TPO: variants seen among roughly 807,000 people sequenced by gnomAD.
TPO encodes the protein thyroid peroxidase, also known as thyroid microsomal antigen.
In TPO, 78 loss-of-function variants were observed where a neutral mutation model predicts 96.9. The observed-to-expected ratio is 0.81, with a 90% CI of 0.67 to 0.97. TPO has a LOEUF of 0.97. Ranked by LOEUF, TPO falls within the 50% of genes least tolerant of loss-of-function variation. The pLI is 0.00. For missense variants in TPO, 1,252 were observed against 1,274.8 expected (o/e 0.98, Z 0.27); for synonymous variants, 547 against 538.0 (o/e 1.02, Z -0.23).
chr2:1,454,410 G>A (rs770560890), intron 6 of TPO, among the ~76,000 whole-genome samples: 5 of 152,180 alleles, frequency 3.3e-5, no homozygotes, highest in Admixed American at 6.5e-5. Context: ...CAGGTGGTGG[G>A]ACTCAGGTCT....
intron 1 of TPO, among the ~76,000 whole-genome samples, chr2:1,392,332 C>T (rs745846935): frequency 6.6e-6 from 1 of 152,092 alleles, no homozygotes; most frequent in Non-Finnish European, 1.5e-5. Flanking sequence ...GTTGAACGAG[C>T]CTTGCATCCC....
intron 15 of TPO, among the ~76,000 whole-genome samples, chr2:1,535,407 A>G (rs1679387072): frequency 1.9e-5 from 1 of 52,458 alleles, no homozygotes; most frequent in Non-Finnish European, 3.6e-5. Context: ...CAACCTCCCC[A>G]AATCCCCCTA....
intron 5 of TPO, among the ~76,000 whole-genome samples, chr2:1,437,245 GC>G (rs1665668841): frequency 6.6e-6 from 1 of 152,238 alleles, no homozygotes; most frequent in South Asian, 2.1e-4. Flanking sequence ...AGGGAGAGCA[GC>G]CGGGATTGTG....
At position 1,487,971 on chromosome 2, in the gene TPO, G is replaced by A; in HGVS notation, c.1748G>A (p.Gly583Asp). Residue 583 changes from glycine to aspartate, a missense_variant, in exon 10 of 17, where the codon GGC (glycine) becomes GAC (aspartate). By Grantham distance (94) the Gly-to-Asp change is moderately conservative. Coordinates refer to ENST00000329066, the MANE Select transcript of TPO (RefSeq NM_001206744.2). ...LDLASINLQR[G>D]RDHGLPGYNE... ...CTGGCGTCCATCAACCTGCAGAGGG[G>A]CCGGGACCACGGGCTGCCAGGTCTG... is the stretch of plus-strand genomic sequence containing the variant. The A allele has an allele frequency of 6.2e-7, 1 of 1,613,586 alleles. No individual in the cohort carries two copies. Among genetic ancestry groups the A allele is most frequent in the Non-Finnish European group, 8.5e-7 (1 of 1,180,038 alleles).
chr2:1,397,386 C>T (rs149730190), intron 1 of TPO, among the ~76,000 whole-genome samples: 8 of 152,230 alleles, frequency 5.3e-5, no homozygotes, highest in African/African-American at 1.7e-4. Context: ...GGATGCCTTC[C>T]CTGAGTGCCC....
At chr2:1,527,394 C>A (rs1464917023) in intron 15 of TPO, among the ~76,000 whole-genome samples, 2 of 138,126 alleles carry the variant, frequency 1.4e-5, no homozygotes, top group South Asian at 5.0e-4. Context: ...ACCCCAAATC[C>A]CCCCCACTGT....
chr2:1,508,712 C>T (rs1378239711), intron 14 of TPO, among the ~76,000 whole-genome samples: 1 of 152,174 alleles, frequency 6.6e-6, no homozygotes. Flanking sequence ...GTTTGTATTT[C>T]TTTGGGATCA....
At chr2:1,498,219 TAAAGGGAGAGGCTGAGACC>T (rs1558367223) in intron 13 of TPO, among the ~76,000 whole-genome samples, 2 of 152,204 alleles carry the variant, frequency 1.3e-5, no homozygotes, top group Non-Finnish European at 2.9e-5. Flanking sequence ...CCCTCAGTCA[TAAAGGGAGAGGCTGAGACC>T]CTGTGTGCAC....
intron 13 of TPO, among the ~76,000 whole-genome samples, chr2:1,500,168 A>G (rs1187901930): frequency 6.6e-6 from 1 of 152,144 alleles, no homozygotes; most frequent in Non-Finnish European, 1.5e-5. Context: ...CACACACATC[A>G]CTTTGATGAG....
At chr2:1,500,833 A>C (rs1276918388) in intron 13 of TPO, among the ~76,000 whole-genome samples, 2 of 151,986 alleles carry the variant, frequency 1.3e-5, no homozygotes, top group East Asian at 3.9e-4. Flanking sequence ...TTAGCCGGGC[A>C]TGGTGGTAGG....
Position 1,477,192 on chromosome 2 carries a change from C to T in TPO, c.926C>T (p.Ser309Phe). ...CAAGGCGCGCTCTTTGGGAACCTGT[C>T]CACGGCCAACCCGCGGCAGCAGATG... Reference protein sequence around the residue: ...GDQGALFGNLSTANPRQQMNG... With the variant: ...GDQGALFGNLFTANPRQQMNG... The change falls in exon 8 of 17, where the codon TCC becomes TTC. Residue 309 changes from serine to phenylalanine, a missense_variant. Coordinates refer to ENST00000329066, the MANE Select transcript of TPO (RefSeq NM_001206744.2). 2 of 1,609,880 alleles carry T rather than the reference C, an allele frequency of 1.2e-6. No homozygotes were observed. The highest frequency in any genetic ancestry group is 1.7e-6 in the Non-Finnish European group (2 of 1,178,954).
chr2:1,538,021 CACCTCAAGTCCCCCCACTGTGTGCA>C (rs577159161), intron 15 of TPO, among the ~76,000 whole-genome samples: 2,690 of 100,118 alleles, frequency 0.027, 42 homozygotes, highest in South Asian at 0.1. Context: ...TACTGTGTGC[CACCTCAAGTCCCCCCACTGTGTGCA>C]ACCTCCTCAA....
intron 3 of TPO, among the ~76,000 whole-genome samples, chr2:1,425,655 C>A (rs538404934): frequency 5.3e-5 from 8 of 152,140 alleles, no homozygotes; most frequent in Non-Finnish European, 1.2e-4. Flanking sequence ...GAAGTCTATG[C>A]TCCTTCTGTA....
At chr2:1,539,000 A>G (rs1456933150) in intron 15 of TPO, among the ~76,000 whole-genome samples, 1 of 152,054 alleles carries the variant, frequency 6.6e-6, no homozygotes, top group African/African-American at 2.4e-5. Flanking sequence ...AAATGCCCCT[A>G]TTCCTATAAG....
intron 10 of TPO, among the ~76,000 whole-genome samples, chr2:1,492,176 C>T (rs750589802): frequency 6.5e-4 from 99 of 151,828 alleles, no homozygotes; most frequent in African/African-American, 2.2e-3. Flanking sequence ...TTTTTTGAGA[C>T]GAAGTCTCAC....
At chr2:1,431,270 T>G (rs1373026305) in intron 3 of TPO, among the ~76,000 whole-genome samples, 1 of 152,140 alleles carries the variant, frequency 6.6e-6, no homozygotes, top group African/African-American at 2.4e-5. Context: ...ACCTGCCCGC[T>G]TGACCTCTTG....
At chr2:1,461,407 G>A (rs1217534256) in intron 7 of TPO, among the ~76,000 whole-genome samples, 1 of 152,194 alleles carries the variant, frequency 6.6e-6, no homozygotes, top group African/African-American at 2.4e-5. Flanking sequence ...GACCACACTT[G>A]CTCCTGTGGC....
intron 2 of TPO, among the ~76,000 whole-genome samples, chr2:1,422,397 C>CAGCCGCCTCT (rs1467468825): frequency 7.3e-5 from 4 of 54,858 alleles, no homozygotes; most frequent in Admixed American, 4.6e-4. Context: ...CCGCGCTGGG[C>CAGCCGCCTCT]CATGGGGAGA....
chr2:1,536,958 CCT>C (rs1344808375), intron 15 of TPO, among the ~76,000 whole-genome samples: 1,523 of 86,658 alleles, frequency 0.018, 43 homozygotes, highest in Middle Eastern at 0.028. Context: ...CTCAAATCCC[CCT>C]GTGTGCAACC....
Sources: gnomAD v4.1 joint callset for allele counts (sites outside exome capture counted in the v4.1 genomes callset) on GRCh38, gnomAD v4.1.1 for gene constraint, MANE v1.5 for transcripts, NCBI Gene and HGNC (gene_info 2026-07-23, HGNC 2026-07-21) for gene names.